The following EIF4G3 variants were observed in gnomAD, a reference collection of about 807,000 sequenced individuals.
EIF4G3 encodes eukaryotic translation initiation factor 4 gamma 3.
A neutral mutation model predicts 186.4 loss-of-function variants in EIF4G3; 34 were observed. The observed-to-expected ratio is 0.18, with a 90% CI of 0.14 to 0.24. The LOEUF (loss-of-function observed/expected upper bound fraction) is 0.24. EIF4G3 is among the 10% of genes least tolerant of loss of function. EIF4G3 has a pLI of 1.00. For missense variants in EIF4G3, 1,536 were observed against 1,948.5 expected (o/e 0.79, Z 3.99); for synonymous variants, 673 against 679.5 (o/e 0.99, Z 0.15).
At chr1:21,039,230 C>A (rs1331437260) in intron 4 of EIF4G3, among the ~76,000 whole-genome samples, 1 of 152,208 alleles carries the variant, frequency 6.6e-6, no homozygotes, top group Non-Finnish European at 1.5e-5. Flanking sequence ...GCTAGAAAAA[C>A]TGGATAGCCA....
chr1:21,093,392 C>T (rs999628320), intron 2 of EIF4G3, among the ~76,000 whole-genome samples: 25 of 152,280 alleles, frequency 1.6e-4, no homozygotes, highest in African/African-American at 6.0e-4. Context: ...AAATCAAAAC[C>T]ACAATGAGAT....
Position 20,942,103 on chromosome 1 carries a change from T to G in EIF4G3, c.1051A>C (p.Thr351Pro). 2 of 1,614,106 alleles carry G rather than the reference T, an allele frequency of 1.2e-6. No homozygotes were observed. The highest frequency in any genetic ancestry group is 4.5e-5 in the East Asian group (2 of 44,874). Residue 351 changes from threonine (T) to proline (P), a missense_variant, in exon 14 of 37, where the codon ACT (threonine) becomes CCT (proline). Transcript: ENST00000602326. ...SALSSQPIFTTAIDDRCELSS... is the reference protein window; with the variant it reads ...SALSSQPIFTPAIDDRCELSS... ...AGTTCACATCTGTCATCTATAGCAG[T>G]GGTGAATATTGGTTGGCTACTAAGA...
chr1:20,914,828 G>C (rs967866012), intron 14 of EIF4G3, among the ~76,000 whole-genome samples: 1 of 151,994 alleles, frequency 6.6e-6, no homozygotes, highest in African/African-American at 2.4e-5. Context: ...ATTAAGCCTC[G>C]TTTCTGGAAC....
At chr1:21,004,727 C>T (rs916073000) in intron 4 of EIF4G3, among the ~76,000 whole-genome samples, 1 of 151,750 alleles carries the variant, frequency 6.6e-6, no homozygotes, top group Non-Finnish European at 1.5e-5. Context: ...GCTGGGATCA[C>T]CAATTTTAAA....
chr1:21,137,815 CAAAA>C (rs201685410), intron 2 of EIF4G3, among the ~76,000 whole-genome samples: 4 of 103,166 alleles, frequency 3.9e-5, no homozygotes, highest in Admixed American at 1.1e-4. Context: ...GACCCTGTCT[CAAAA>C]AAAAAAAAAA....
At chr1:21,030,399 T>C (rs1000351221) in intron 4 of EIF4G3, among the ~76,000 whole-genome samples, 2 of 152,190 alleles carry the variant, frequency 1.3e-5, no homozygotes, top group Admixed American at 1.3e-4. Context: ...AAATGGGAGT[T>C]GCCCTACACA....
At chr1:20,959,841 ACTG>A (rs2096531871) in intron 12 of EIF4G3, among the ~76,000 whole-genome samples, 1 of 152,186 alleles carries the variant, frequency 6.6e-6, no homozygotes, top group African/African-American at 2.4e-5. Context: ...ATACCATCTT[ACTG>A]CTGCAAGAAT....
intron 4 of EIF4G3, among the ~76,000 whole-genome samples, chr1:21,031,183 CA>C (rs35916269): frequency 2.1e-5 from 3 of 143,066 alleles, no homozygotes; most frequent in South Asian, 2.2e-4. Context: ...GAGACTGTCT[CA>C]AAAAAAAAAC....
intron 2 of EIF4G3, among the ~76,000 whole-genome samples, chr1:21,094,656 GATATACCT>G (rs1347073800): frequency 1.4e-4 from 21 of 150,830 alleles, no homozygotes; most frequent in African/African-American, 5.1e-4. Flanking sequence ...AGCATTAGGA[GATATACCT>G]AATGTAAACG....
At chr1:20,994,826 A>G (rs1348135897) in intron 7 of EIF4G3, among the ~76,000 whole-genome samples, 1 of 151,906 alleles carries the variant, frequency 6.6e-6, no homozygotes, top group Non-Finnish European at 1.5e-5. Context: ...TTTTGCAGAG[A>G]TGAGGTTTCG....
intron 2 of EIF4G3, among the ~76,000 whole-genome samples, chr1:21,114,828 G>A (rs747109610): frequency 1.3e-5 from 2 of 152,070 alleles, no homozygotes; most frequent in Admixed American, 6.6e-5. Context: ...TTATTAGCTC[G>A]GTTTGGTACC....
At chr1:21,117,075 CTTT>C (rs1213432871) in intron 2 of EIF4G3, among the ~76,000 whole-genome samples, 3 of 151,954 alleles carry the variant, frequency 2.0e-5, no homozygotes, top group African/African-American at 7.3e-5. Flanking sequence ...TAAATAATAA[CTTT>C]TTTATTTCAC....
chr1:20,867,688 C>T (rs116458988), intron 20 of EIF4G3, among the ~76,000 whole-genome samples: 7 of 152,086 alleles, frequency 4.6e-5, no homozygotes, highest in African/African-American at 9.6e-5. Flanking sequence ...TTAAGAGTAA[C>T]GTATATTGTA....
At position 20,981,088 on chromosome 1, in the gene EIF4G3, G is replaced by A. The variant is rs760530693; in HGVS notation, c.338C>T (p.Pro113Leu). The change falls in exon 9 of 37, where the codon CCG becomes CTG. Residue 113 changes from proline to leucine, a missense_variant. This residue lies in a region of EIF4G3 where 194 missense variants were observed against 212.8 expected (regional missense o/e 0.91). Transcript: ENST00000602326. Reference protein sequence around the residue: ...HIMMVNHLPMPYPVPQGPQYC... With the variant: ...HIMMVNHLPMLYPVPQGPQYC... ...CTGAGGCCCCTGGGGCACTGGGTAC[G>A]GCATGGGCAGATGGTTAACCATCAT... The A allele has an allele frequency of 5.6e-6, 9 of 1,613,174 alleles. No individual in the cohort carries two copies. Among genetic ancestry groups the A allele is most frequent in the African/African-American group, 2.7e-5 (2 of 74,932 alleles).
intron 2 of EIF4G3, among the ~76,000 whole-genome samples, chr1:21,162,518 G>A (rs537866999): frequency 8.6e-5 from 13 of 151,054 alleles, no homozygotes; most frequent in East Asian, 7.8e-4. Flanking sequence ...AGGCCGAGGC[G>A]GGTGGATCAC....
chr1:20,958,052 A>G (rs1439813130), intron 12 of EIF4G3, among the ~76,000 whole-genome samples: 1 of 152,136 alleles, frequency 6.6e-6, no homozygotes, highest in East Asian at 1.9e-4. Flanking sequence ...CATTCTATGA[A>G]GCCAGTATCA....
In EIF4G3 at chr1:21,060,782, GAAAAAAAA is replaced by G. The variant is rs34598369; in HGVS notation, c.-195-9796_-195-9789del. Among the ~76,000 whole-genome samples the G allele has an allele frequency of 1.1e-4, 13 of 117,376 alleles. No individual in the cohort carries two copies. In the South Asian group the frequency reaches 4.0e-3, roughly 36 times the overall value. The allele number at this position is 117,376 out of a possible 152,430, so 77.0% of individuals were successfully genotyped here. A position where few individuals can be genotyped will look rare whatever the true frequency, so the allele number is the denominator to read the frequency against. Reference sequence around the variant, plus strand: ...AACACAGCAAGATCCTGTCTCTTAAGAAAAAAAAAAAAAAAAAAAAAACAAAGCTACTG... The same window carrying G: ...AACACAGCAAGATCCTGTCTCTTAAGAAAAAAAAAAAAAACAAAGCTACTG... On this transcript the variant is annotated intron_variant, in intron 3 of 36. Coordinates refer to ENST00000602326, the MANE Select transcript of EIF4G3 (RefSeq NM_001391906.1).
intron 18 of EIF4G3, among the ~76,000 whole-genome samples, chr1:20,891,167 T>C (rs10916895): frequency 0.039 from 5,968 of 152,312 alleles, 397 homozygotes; most frequent in African/African-American, 0.13. Flanking sequence ...TTTTCAATAA[T>C]TTAAAAGAGA....
chr1:20,941,858 T>C lies in EIF4G3; in HGVS notation c.1296A>G (p.Val432=), dbSNP rs2095729397. 1 of 1,614,100 alleles carries C rather than the reference T, an allele frequency of 6.2e-7. No individual in the cohort carries two copies. Among genetic ancestry groups the C allele is most frequent in the South Asian group, 1.1e-5 (1 of 91,090 alleles). ...GAGTCAATGGCAATACTTCCTGTTT[T>C]ACTATTTCCACAATGCTCTCCGTGG... The part of the protein sequence containing the change: ...LSATESIVEI[V]KQEVLPLTLE... The change falls in exon 14 of 37, where the codon GTA becomes GTG. Residue 432 remains valine, a synonymous_variant. Coordinates refer to ENST00000602326, the MANE Select transcript of EIF4G3 (RefSeq NM_001391906.1).
Sources: gnomAD v4.1 joint callset for allele counts (sites outside exome capture counted in the v4.1 genomes callset) on GRCh38, gnomAD v4.1.1 for gene constraint, gnomAD v4.1.1 regional missense constraint, MANE v1.5 for transcripts, NCBI Gene and HGNC (gene_info 2026-07-23, HGNC 2026-07-21) for gene names.